KIRREL1: variants seen among roughly 807,000 people sequenced by gnomAD.
KIRREL1 encodes kirre like nephrin family adhesion molecule 1.
A neutral mutation model predicts 83.3 loss-of-function variants in KIRREL1; 25 were observed. The ratio of observed to expected loss-of-function variants is 0.30; its 90% CI spans 0.22 to 0.42. KIRREL1 has a LOEUF of 0.42. KIRREL1 is among the 10% of genes least tolerant of loss of function. The pLI, the probability that KIRREL1 is intolerant of heterozygous loss-of-function variation, is 1.00. For synonymous variants in KIRREL1, 388 were observed against 410.4 expected (o/e 0.95, Z 0.66); for missense variants, 812 against 1,032.3 (o/e 0.79, Z 2.92).
At chr1:158,049,583 A>G (rs756995419) in intron 1 of KIRREL1, among the ~76,000 whole-genome samples, 1 of 152,230 alleles carries the variant, frequency 6.6e-6, no homozygotes, top group Non-Finnish European at 1.5e-5. Flanking sequence ...GGGCAATGTT[A>G]TCATTAGATT....
chr1:158,016,788 T>C (rs1183149344), intron 1 of KIRREL1, among the ~76,000 whole-genome samples: 1 of 152,134 alleles, frequency 6.6e-6, no homozygotes, highest in African/African-American at 2.4e-5. Flanking sequence ...CAGCATTTCG[T>C]TGGATCAGTT....
rs766789866 is a variant in KIRREL1 at position 158,093,626 on chromosome 1, G to T, written c.1583G>T (p.Arg528Leu). Residue 528 changes from arginine to leucine, a missense_variant, in exon 13 of 15, where the codon CGC becomes CTC. Arg to Leu is a moderately radical substitution (Grantham distance 102, BLOSUM62 -2). Transcript: ENST00000359209. ...CAGGCTGCCTCTCCCGTCCCAGGTC[G>T]CAAAGACGTGACCCTGAGGAAGCTG... Reference protein sequence around the residue: ...FFLYRRRKGSRKDVTLRKLDI... With the variant: ...FFLYRRRKGSLKDVTLRKLDI... The T allele has an allele frequency of 6.2e-7, 1 of 1,614,080 alleles. No homozygotes were observed. The highest frequency in any genetic ancestry group is 8.5e-7 in the Non-Finnish European group (1 of 1,180,004).
At chr1:158,003,908 G>A (rs1023318859) in intron 1 of KIRREL1, among the ~76,000 whole-genome samples, 1 of 152,188 alleles carries the variant, frequency 6.6e-6, no homozygotes, top group African/African-American at 2.4e-5. Context: ...AGGGGAGCCT[G>A]TAAAGTCTGT....
Position 158,094,596 on chromosome 1 carries a change from C to T in KIRREL1, c.1798-48C>T. The T allele has an allele frequency of 6.8e-7, 1 of 1,478,430 alleles. No homozygotes were observed. The highest frequency in any genetic ancestry group is 9.3e-7 in the Non-Finnish European group (1 of 1,078,596). The allele number at this position is 1,478,430 out of a possible 1,614,324, so 91.6% of individuals were successfully genotyped here. ...GAAAGCCATGGTGAGACTTGATCCC[C>T]ACCCAAGAGGGAACACTGCCTCCAT... On this transcript the variant is annotated intron_variant, in intron 14 of 14. Coordinates refer to ENST00000359209, the MANE Select transcript of KIRREL1 (RefSeq NM_018240.7). This position sits in a 1 kb window ranked among gnomAD's most constrained non-coding sequence, Gnocchi z 4.6.
chr1:158,091,910 T>G (rs79556607), intron 11 of KIRREL1, among the ~76,000 whole-genome samples: 1,787 of 152,276 alleles, frequency 0.012, 27 homozygotes, highest in African/African-American at 0.04. Flanking sequence ...GAAAGAGCTG[T>G]GAACAAGACA....
chr1:158,078,119 C>T lies in KIRREL1; in HGVS notation c.331C>T (p.Arg111Trp), dbSNP rs151150995. Residue 111 changes from arginine to tryptophan, a missense_variant, in exon 3 of 15, where the codon CGG (arginine) becomes TGG (tryptophan). Coordinates refer to ENST00000359209, the MANE Select transcript of KIRREL1 (RefSeq NM_018240.7). ...CACGGAGGCCGCCCTGCGCTCTCGG[C>T]GGGCCAAACTCACCGTGCTCAGTAA... ...QATEAALRSR[R>W]AKLTVLIPPE... The T allele has an allele frequency of 3.4e-5, 55 of 1,613,898 alleles. No individual in the cohort carries two copies. Among genetic ancestry groups the T allele is most frequent in the East Asian group, 1.1e-4 (5 of 44,898 alleles).
At chr1:158,017,640 C>T (rs961664579) in intron 1 of KIRREL1, among the ~76,000 whole-genome samples, 4 of 151,724 alleles carry the variant, frequency 2.6e-5, no homozygotes, top group Admixed American at 6.6e-5. Context: ...TGCAGTGAGC[C>T]GAGATTGCGC....
In KIRREL1 at chr1:158,077,933, G is replaced by A. The variant is rs893675122; in HGVS notation, c.203-58G>A. 29 of 1,593,528 alleles carry A rather than the reference G, an allele frequency of 1.8e-5. No homozygotes were observed. The African/African-American group carries it at 3.6e-4, about 20-fold the overall frequency. ...GGCAGAGGGAGGAGTACTGGTGTGG[G>A]ATGGCTGAGGATGTGTCCTTGTTTC... On this transcript the variant is annotated intron_variant, in intron 2 of 14. Coordinates refer to ENST00000359209, the MANE Select transcript of KIRREL1 (RefSeq NM_018240.7).
rs929448342 is a variant in KIRREL1 at position 158,049,801 on chromosome 1, A to T, written c.53-26312A>T. On this transcript the variant is annotated intron_variant, in intron 1 of 14. Transcript: ENST00000359209. ...TTAGTGGTGCCTGCTATGAGGTAGG[A>T]GAAGAAAGTCTGGGATGAGCCCCAG... Among the ~76,000 whole-genome samples the T allele has an allele frequency of 4.6e-5, 7 of 152,088 alleles. 1 individual carries two copies. Among genetic ancestry groups the T allele is most frequent in the African/African-American group, 1.7e-4 (7 of 41,402 alleles).
chr1:158,005,560 GA>G (rs1342720150), intron 1 of KIRREL1, among the ~76,000 whole-genome samples: 2 of 149,298 alleles, frequency 1.3e-5, no homozygotes, highest in Non-Finnish European at 3.0e-5. Context: ...TTTTTTTAAT[GA>G]AAAAAGTCCT....
intron 3 of KIRREL1, among the ~76,000 whole-genome samples, chr1:158,084,193 G>T (rs1199838613): frequency 6.6e-6 from 1 of 152,016 alleles, no homozygotes; most frequent in Non-Finnish European, 1.5e-5. Flanking sequence ...AATATTATAG[G>T]CCAGGAAAGA....
chr1:158,056,168 A>T (rs1055591752), intron 1 of KIRREL1, among the ~76,000 whole-genome samples: 1 of 152,088 alleles, frequency 6.6e-6, no homozygotes, highest in African/African-American at 2.4e-5. Context: ...GGGCAAAACC[A>T]GTCTCTGTTT....
At position 158,076,098 on chromosome 1, in the gene KIRREL1, G is replaced by T; in HGVS notation, c.53-15G>T. 3 of 1,612,484 alleles carry T rather than the reference G, an allele frequency of 1.9e-6. No homozygotes were observed. Among genetic ancestry groups the T allele is most frequent in the Non-Finnish European group, 2.5e-6 (3 of 1,179,402 alleles). ...TCCTTACTCATCTTACCCAGTGCTG[G>T]CTTTGGCTTTGCAGGGACCCAGACC... On this transcript the variant is annotated splice_polypyrimidine_tract_variant and intron_variant, in intron 1 of 14. Coordinates refer to ENST00000359209, the MANE Select transcript of KIRREL1 (RefSeq NM_018240.7).
intron 1 of KIRREL1, among the ~76,000 whole-genome samples, chr1:158,002,510 G>T (rs560932817): frequency 2.6e-5 from 4 of 152,326 alleles, no homozygotes; most frequent in Admixed American, 6.5e-5. Context: ...GTCCCACCAG[G>T]GGGGGTGAGA....
In KIRREL1 at chr1:158,095,015, G is replaced by T. The variant is rs747928597; in HGVS notation, c.2169G>T (p.Ala723=). Residue 723 remains alanine (A), a synonymous_variant, in exon 15 of 15, where the codon GCG becomes GCT. Coordinates refer to ENST00000359209, the MANE Select transcript of KIRREL1 (RefSeq NM_018240.7). ...GCCTGGAGCGGACCCCATATGAGGC[G>T]TATGACCCCATTGGCAAGTACGCCA... ...PSGLERTPYE[A]YDPIGKYATA... 6.2e-7 allele frequency: 1 copy of T among 1,613,948 alleles called. No homozygotes were observed. The highest frequency in any genetic ancestry group is 2.2e-5 in the East Asian group (1 of 44,876).
intron 1 of KIRREL1, among the ~76,000 whole-genome samples, chr1:158,011,534 G>A (rs1044170632): frequency 6.6e-6 from 1 of 152,212 alleles, no homozygotes; most frequent in East Asian, 1.9e-4. Flanking sequence ...CTGCCCTGTG[G>A]GAGGGGTTGG....
chr1:157,999,418 C>G (rs773485058), intron 1 of KIRREL1, among the ~76,000 whole-genome samples: 1 of 152,112 alleles, frequency 6.6e-6, no homozygotes, highest in Non-Finnish European at 1.5e-5. Flanking sequence ...ATACACTCAT[C>G]CTATGGTGTA....
At chr1:157,996,666 G>A (rs1185629571) in intron 1 of KIRREL1, among the ~76,000 whole-genome samples, 1 of 152,194 alleles carries the variant, frequency 6.6e-6, no homozygotes, top group African/African-American at 2.4e-5. Flanking sequence ...TCCCCTTTCG[G>A]TGCTACACAT....
Position 158,094,435 on chromosome 1 carries a change from G to A in KIRREL1, c.1797+45G>A. The A allele has an allele frequency of 1.9e-6, 3 of 1,579,446 alleles. No homozygotes were observed. Among genetic ancestry groups the A allele is most frequent in the African/African-American group, 1.3e-5 (1 of 74,520 alleles). On this transcript the variant is annotated intron_variant, in intron 14 of 14. Transcript: ENST00000359209. The surrounding 1 kb of genome is among the most constrained non-coding windows in gnomAD (Gnocchi z 4.6). ...CCAGGGCATGAGGGCTGGTGGGCCA[G>A]TGGGTTTCTGAGGTCCTGTAGCGGG...
Sources: allele counts gnomAD v4.1 joint callset (sites outside exome capture counted in the v4.1 genomes callset), GRCh38; gene constraint gnomAD v4.1.1; non-coding constraint Gnocchi (gnomAD v3.1); transcripts MANE v1.5; gene names NCBI Gene and HGNC (gene_info 2026-07-23, HGNC 2026-07-21).